The following RYR3 variants were observed in gnomAD, a reference collection of about 807,000 sequenced individuals.
The protein encoded by RYR3 is ryanodine receptor 3, also known as brain ryanodine receptor-calcium release channel.
RYR3 carries 207 observed loss-of-function variants against 584.3 expected under a neutral mutation model. That is an observed-to-expected ratio of 0.35 (90% CI 0.32 to 0.40). The LOEUF (loss-of-function observed/expected upper bound fraction) is 0.40. RYR3 is among the 10% of genes least tolerant of loss of function. RYR3 has a pLI of 1.00. For synonymous variants in RYR3, 2,416 were observed against 2,248.5 expected, an observed-to-expected ratio of 1.07 and a Z score of -2.11; for missense variants, 5,616 against 6,089.2, an observed-to-expected ratio of 0.92 and a Z score of 2.59.
chr15:33,344,664 G>A (rs920873507), intron 1 of RYR3, among the ~76,000 whole-genome samples: 1 of 152,004 alleles, frequency 6.6e-6, no homozygotes, highest in Non-Finnish European at 1.5e-5. Context: ...CTGGTTCTGG[G>A]CATAAAACCC....
At chr15:33,850,083 A>AAGGC (rs2078992630) in intron 94 of RYR3, 1 of 152,162 alleles carries the variant, frequency 6.6e-6, no homozygotes, top group African/African-American at 2.4e-5. Flanking sequence ...TCCCAGTAAG[A>AAGGC]AGGCAGTTCA....
intron 1 of RYR3, among the ~76,000 whole-genome samples, chr15:33,330,205 A>G (rs185282512): frequency 6.6e-6 from 1 of 152,208 alleles, no homozygotes; most frequent in South Asian, 2.1e-4. Context: ...TCTTTGTCCC[A>G]AAATCATCAG....
At chr15:33,624,163 A>C in intron 20 of RYR3, 140 bp downstream of exon 20, 1 of 666,740 alleles carries the variant, frequency 1.5e-6, no homozygotes, top group South Asian at 1.9e-5. Flanking sequence ...GTTACTCCTC[A>C]CATTTTCACC....
intron 19 of RYR3, among the ~76,000 whole-genome samples, chr15:33,616,480 G>C (rs1210321423): frequency 6.6e-6 from 1 of 152,162 alleles, no homozygotes; most frequent in African/African-American, 2.4e-5. Context: ...GGGATCTGGT[G>C]TCTAGGTCAG....
At chr15:33,828,443 C>T (rs1180912554) in intron 85 of RYR3, among the ~76,000 whole-genome samples, 1 of 152,158 alleles carries the variant, frequency 6.6e-6, no homozygotes, top group Non-Finnish European at 1.5e-5. Context: ...AGGCTAGGCC[C>T]CTTGCACTAA....
At chr15:33,576,459 C>T (rs2058307426) in intron 12 of RYR3, among the ~76,000 whole-genome samples, 1 of 152,144 alleles carries the variant, frequency 6.6e-6, no homozygotes, top group Admixed American at 6.5e-5. Flanking sequence ...AAGGCTGGTT[C>T]AACATATGCA....
intron 100 of RYR3, among the ~76,000 whole-genome samples, chr15:33,860,303 C>A (rs1257256607): frequency 1.3e-5 from 2 of 151,990 alleles, no homozygotes; most frequent in East Asian, 3.9e-4. Flanking sequence ...ACAGACTGAA[C>A]ACAAATAGCT....
intron 44 of RYR3, 133 bp from the exon 45 acceptor site, chr15:33,723,932 A>T: frequency 3.3e-6 from 2 of 602,778 alleles, no homozygotes; most frequent in South Asian, 2.1e-5. Flanking sequence ...TTCTAGAGGA[A>T]GACGAGGTTC....
chr15:33,741,265 A>T (rs1210057417), intron 51 of RYR3, among the ~76,000 whole-genome samples: 2 of 152,210 alleles, frequency 1.3e-5, no homozygotes. Context: ...ACCTAGTGAA[A>T]GGCCAACCTG....
At chr15:33,817,760 C>A (rs2076893662) in intron 75 of RYR3, among the ~76,000 whole-genome samples, 1 of 152,186 alleles carries the variant, frequency 6.6e-6, no homozygotes, top group Admixed American at 6.6e-5. Flanking sequence ...GAAAGACACT[C>A]CGTTGGTTTT....
chr15:33,392,037 A>C (rs1192004237), intron 1 of RYR3, among the ~76,000 whole-genome samples: 5 of 151,966 alleles, frequency 3.3e-5, no homozygotes, highest in Non-Finnish European at 4.4e-5. Flanking sequence ...TTCTGCTTTT[A>C]TTCTGCACTT....
At chr15:33,626,706 G>T (rs537158267) in intron 20 of RYR3, among the ~76,000 whole-genome samples, 40 of 152,250 alleles carry the variant, frequency 2.6e-4, no homozygotes, top group African/African-American at 8.9e-4. Context: ...CTGTGACCCA[G>T]CCACTTCACT....
rs1201995200 is a variant in RYR3, at chr15:33,311,318, G to A, written c.51+222G>A. ...CCTGCCTCTCCCTTGTTCCCCTACC[G>A]CCACCCCTGCCCCAGGCCCTCCACC... On this transcript the variant is annotated intron_variant, in intron 1 of 103. Coordinates refer to ENST00000634891, the MANE Select transcript of RYR3 (RefSeq NM_001036.6). This position sits in a 1 kb window ranked among gnomAD's most constrained non-coding sequence, Gnocchi z 4.4. 6.6e-6 allele frequency among the ~76,000 whole-genome samples: 1 copy of A among 152,170 alleles called. No homozygotes were observed. Among genetic ancestry groups the A allele is most frequent in the African/African-American group, 2.4e-5 (1 of 41,458 alleles).
At chr15:33,397,726 T>TG (rs570885685) in intron 1 of RYR3, among the ~76,000 whole-genome samples, 115 of 152,354 alleles carry the variant, frequency 7.5e-4, no homozygotes, top group African/African-American at 2.2e-3. Context: ...TCTTTAGGTG[T>TG]GGGGTGTGTG....
At chr15:33,437,115 AGAGTGT>A (rs1399392896) in intron 1 of RYR3, among the ~76,000 whole-genome samples, 2 of 111,920 alleles carry the variant, frequency 1.8e-5, no homozygotes, top group East Asian at 4.9e-4. Context: ...AGAGAGAGAT[AGAGTGT>A]GTGTGTGTGT....
intron 102 of RYR3, 121 bp downstream of exon 102, chr15:33,861,299 T>A (rs1016727652): frequency 1.8e-5 from 12 of 648,970 alleles, no homozygotes; most frequent in African/African-American, 5.4e-5. Flanking sequence ...GGAGTCCCCA[T>A]GAGCCTGTAC....
chr15:33,435,672 C>T (rs1346623902), intron 1 of RYR3, among the ~76,000 whole-genome samples: 6 of 152,170 alleles, frequency 3.9e-5, no homozygotes, highest in Non-Finnish European at 8.8e-5. Context: ...TCAAGCGTTA[C>T]AGCTCTTAAA....
chr15:33,658,925 C>T (rs1380131145), intron 32 of RYR3, among the ~76,000 whole-genome samples: 1 of 152,128 alleles, frequency 6.6e-6, no homozygotes, highest in Non-Finnish European at 1.5e-5. Flanking sequence ...TCCAGAGGAA[C>T]CCGGGGAGAA....
chr15:33,659,837 T>G, intron 33 of RYR3, 31 bp downstream of exon 33: 1 of 1,406,782 alleles, frequency 7.1e-7, no homozygotes, highest in Non-Finnish European at 1.0e-6. Context: ...CTAATGGCCA[T>G]GACAAGAGAA....
Sources: gnomAD v4.1 joint callset for allele counts (sites outside exome capture counted in the v4.1 genomes callset) on GRCh38, gnomAD v4.1.1 for gene constraint, Gnocchi (gnomAD v3.1) non-coding constraint, MANE v1.5 for transcripts, NCBI Gene and HGNC (gene_info 2026-07-23, HGNC 2026-07-21) for gene names.